The following CTNNA3 variants were observed in gnomAD, a reference collection of about 807,000 sequenced individuals.
The protein encoded by CTNNA3 is catenin alpha 3.
Under a neutral mutation model 95.7 loss-of-function variants are expected in CTNNA3, and 76 were observed. The ratio of observed to expected loss-of-function variants is 0.79; its 90% confidence interval spans 0.66 to 0.96. CTNNA3 has a LOEUF of 0.96. CTNNA3 is among the 40% of genes least tolerant of loss of function. CTNNA3 has a pLI of 0.00. For missense variants in CTNNA3, 1,191 were observed against 1,089.8 expected, an observed-to-expected ratio of 1.09 and a Z score of -1.31; for synonymous variants, 431 against 374.4, an observed-to-expected ratio of 1.15 and a Z score of -1.74.
At chr10:67,373,124 A>G (rs887190285) in intron 5 of CTNNA3, among the ~76,000 whole-genome samples, 16 of 152,310 alleles carry the variant, frequency 1.1e-4, no homozygotes, top group Non-Finnish European at 2.4e-4. Flanking sequence ...ACACATAACA[A>G]TATTAACCTT....
intron 3 of CTNNA3, among the ~76,000 whole-genome samples, chr10:67,573,761 C>T (rs1473692633): frequency 6.6e-6 from 1 of 151,546 alleles, no homozygotes; most frequent in Non-Finnish European, 1.5e-5. Flanking sequence ...TCCCTCTATC[C>T]TTCCCTTCCC....
At chr10:67,058,667 G>A (rs1269751789) in intron 7 of CTNNA3, among the ~76,000 whole-genome samples, 2 of 152,070 alleles carry the variant, frequency 1.3e-5, no homozygotes, top group African/African-American at 2.4e-5. Context: ...GGAACATGCT[G>A]ATGTAGAAAC....
At chr10:67,443,569 C>T (rs569155813) in intron 5 of CTNNA3, among the ~76,000 whole-genome samples, 109 of 152,160 alleles carry the variant, frequency 7.2e-4, no homozygotes, top group African/African-American at 2.0e-3. Context: ...TTTTTTCATG[C>T]GTCTTTTGAT....
chr10:66,353,982 G>A (rs1383543000), intron 12 of CTNNA3, among the ~76,000 whole-genome samples: 1 of 152,050 alleles, frequency 6.6e-6, no homozygotes, highest in South Asian at 2.1e-4. Context: ...CGTGACATTT[G>A]TAAAAATTCC....
chr10:66,016,297 C>G (rs1437944367), intron 15 of CTNNA3, among the ~76,000 whole-genome samples: 1 of 152,156 alleles, frequency 6.6e-6, no homozygotes, highest in Non-Finnish European at 1.5e-5. Context: ...GCCCAGGCTG[C>G]AGACTGGGAG....
chr10:66,362,875 T>G (rs766145506), intron 12 of CTNNA3, among the ~76,000 whole-genome samples: 4 of 152,342 alleles, frequency 2.6e-5, no homozygotes, highest in Non-Finnish European at 5.9e-5. Context: ...TTAATTAAAC[T>G]GTCATCTGTC....
At chr10:66,235,060 C>T (rs115185375) in intron 13 of CTNNA3, among the ~76,000 whole-genome samples, 321 of 152,294 alleles carry the variant, frequency 2.1e-3, no homozygotes, top group African/African-American at 7.4e-3. Context: ...GCAGACCTTT[C>T]GCTTGTTGAG....
At chr10:67,459,523 T>C (rs942875866) in intron 5 of CTNNA3, among the ~76,000 whole-genome samples, 1 of 152,214 alleles carries the variant, frequency 6.6e-6, no homozygotes, top group African/African-American at 2.4e-5. Context: ...TTGATGAATG[T>C]TTTATAAGTC....
rs151119185 is a variant in CTNNA3, at chr10:66,525,828, C to T, written c.1375-5055G>A. 4.8e-3 allele frequency among the ~76,000 whole-genome samples: 738 copies of T among 152,204 alleles called. 14 individuals are homozygous for T. Among genetic ancestry groups the T allele is most frequent in the South Asian group, 0.042 (202 of 4,822 alleles). On this transcript the variant is annotated intron_variant, in intron 10 of 17. Coordinates refer to ENST00000433211, the MANE Select transcript of CTNNA3 (RefSeq NM_013266.4). Reference sequence around the variant, plus strand: ...TCCCATTCTTCCTTCCCCCTAGTACCTAGTAAGCTCTATTATACTTTCTAC... The same window carrying T: ...TCCCATTCTTCCTTCCCCCTAGTACTTAGTAAGCTCTATTATACTTTCTAC...
intron 7 of CTNNA3, among the ~76,000 whole-genome samples, chr10:66,805,656 A>C (rs1291650840): frequency 1.3e-5 from 2 of 151,932 alleles, no homozygotes; most frequent in African/African-American, 4.8e-5. Flanking sequence ...TTATAGATTC[A>C]TCTGTAAGCT....
rs993976363 is a variant in CTNNA3, at chr10:66,340,025, T to C, written c.1732+39127A>G. Among the ~76,000 whole-genome samples, 11 of 151,758 alleles carry C rather than the reference T, an allele frequency of 7.2e-5. No individual in the cohort carries two copies. In the South Asian group the frequency reaches 8.3e-4, roughly 11 times the overall value. Reference sequence around the variant, plus strand: ...ATTTGACTTCATAATTAATAATACATGTACTAATGTTACCCAGGATTGTAC... The same window carrying C: ...ATTTGACTTCATAATTAATAATACACGTACTAATGTTACCCAGGATTGTAC... On this transcript the variant is annotated intron_variant, in intron 12 of 17. Coordinates refer to ENST00000433211, the MANE Select transcript of CTNNA3 (RefSeq NM_013266.4).
At chr10:66,093,325 C>T (rs1254218655) in intron 14 of CTNNA3, among the ~76,000 whole-genome samples, 1 of 152,004 alleles carries the variant, frequency 6.6e-6, no homozygotes, top group Admixed American at 6.6e-5. Context: ...GTGCACTTGA[C>T]ATGTAAAAAT....
At chr10:67,754,311 G>A (rs963228032) in intron 1 of CTNNA3, among the ~76,000 whole-genome samples, 2 of 152,126 alleles carry the variant, frequency 1.3e-5, no homozygotes, top group African/African-American at 2.4e-5. Context: ...TATCGGGGGG[G>A]CGTTGGGAGG....
chr10:67,304,700 G>A (rs547975754), intron 5 of CTNNA3, among the ~76,000 whole-genome samples: 4 of 152,108 alleles, frequency 2.6e-5, no homozygotes, highest in South Asian at 2.1e-4. Context: ...CGTGTCTGAC[G>A]TTATGCTAGT....
intron 1 of CTNNA3, among the ~76,000 whole-genome samples, chr10:67,690,204 C>A (rs1047819562): frequency 6.6e-6 from 1 of 152,048 alleles, no homozygotes; most frequent in Admixed American, 6.5e-5. Flanking sequence ...AAAGGCAGCA[C>A]GTCTGGAGTT....
intron 9 of CTNNA3, among the ~76,000 whole-genome samples, chr10:66,697,967 G>C (rs2132560388): frequency 6.6e-6 from 1 of 152,084 alleles, no homozygotes; most frequent in African/African-American, 2.4e-5. Context: ...ACTCATTGTT[G>C]GGTTTCAGGT....
Position 66,520,644 on chromosome 10 carries a change from T to C in CTNNA3, c.1504A>G (p.Ser502Gly). 6.2e-7 allele frequency: 1 copy of C among 1,610,148 alleles called. No homozygotes were observed. The highest frequency in any genetic ancestry group is 8.5e-7 in the Non-Finnish European group (1 of 1,177,904). ...GATACAGCAAGGAAGTCATCAATGC[T>C]TGTAATGTCATCTACGGCTTCAGTG... ...VLTEAVDDIT[S>G]IDDFLAVSES... Residue 502 changes from serine (S) to glycine (G), a missense_variant, in exon 11 of 18, where the codon AGC becomes GGC. Physicochemically the swap from Ser to Gly is moderately conservative, Grantham distance 56 (BLOSUM62 0). Transcript: ENST00000433211.
intron 5 of CTNNA3, among the ~76,000 whole-genome samples, chr10:67,358,772 C>T (rs1326734433): frequency 6.6e-6 from 1 of 152,042 alleles, no homozygotes; most frequent in Non-Finnish European, 1.5e-5. Context: ...TCAGGCTTCC[C>T]CCAAAAGAGA....
intron 5 of CTNNA3, among the ~76,000 whole-genome samples, chr10:67,323,824 T>C (rs746872810): frequency 1.3e-5 from 2 of 152,218 alleles, no homozygotes; most frequent in African/African-American, 4.8e-5. Context: ...ACATTGATTC[T>C]TCCTGTCCAT....
Sources: allele counts gnomAD v4.1 joint callset (sites outside exome capture counted in the v4.1 genomes callset), GRCh38; gene constraint gnomAD v4.1.1; transcripts MANE v1.5; gene names NCBI Gene and HGNC (gene_info 2026-07-23, HGNC 2026-07-21).